The following DMBT1 variants were observed in gnomAD, a reference collection of about 807,000 sequenced individuals.
DMBT1 encodes scavenger receptor cysteine-rich domain-containing protein DMBT1.
In DMBT1, 198 loss-of-function variants were observed where a neutral mutation model predicts 252.9. The observed-to-expected ratio is 0.78, with a 90% CI of 0.70 to 0.88. DMBT1 has a LOEUF of 0.88. DMBT1 is among the 40% of genes least tolerant of loss of function. The pLI is 0.00. For synonymous variants in DMBT1, 990 were observed against 942.7 expected (o/e 1.05, Z -0.92); for missense variants, 2,432 against 2,404.7 (o/e 1.01, Z -0.24).
intron 45 of DMBT1, 21 bp from the exon 46 acceptor site, chr10:122,625,912 C>T (rs765792782): frequency 6.2e-7 from 1 of 1,604,142 alleles, no homozygotes; most frequent in South Asian, 1.1e-5. Flanking sequence ...AAATCCTAAA[C>T]AGCTTCATTT....
Position 122,618,623 on chromosome 10 carries a change from C to T in DMBT1, c.5215+283C>T, listed in dbSNP as rs180901717. Among the ~76,000 whole-genome samples the T allele has an allele frequency of 7.0e-3, 1,064 of 152,322 alleles. 13 individuals carry two copies. The highest frequency in any genetic ancestry group is 0.024 in the African/African-American group (1,018 of 41,564). On this transcript the variant is annotated intron_variant, in intron 41 of 55. Transcript: ENST00000338354. ...AGAAGAGAAAAGTGCTGGCTCCCCA[C>T]GGCTCCATTTCTTCCCTGCTGAGTA...
intron 2 of DMBT1, among the ~76,000 whole-genome samples, 177 bp downstream of exon 2, chr10:122,566,173 T>C (rs896906084): frequency 4.6e-5 from 7 of 152,192 alleles, no homozygotes; most frequent in South Asian, 2.1e-4. Context: ...ATGTCTCAAG[T>C]GCACACTCGG....
chr10:122,640,488 T>C, intron 55 of DMBT1, 39 bp downstream of exon 55: 1 of 1,562,888 alleles, frequency 6.4e-7, no homozygotes, highest in Middle Eastern at 1.7e-4. Flanking sequence ...AAACCTTTAC[T>C]TGATAACTCA....
chr10:122,620,948 A>T lies in DMBT1; in HGVS notation c.5285-109A>T, dbSNP rs2098061133. Reference sequence around the variant, plus strand: ...TCTGTATTCATATTCAAAGGTGATTACCTGCACACGTGACTTTGGCCATTA... The same window carrying T: ...TCTGTATTCATATTCAAAGGTGATTTCCTGCACACGTGACTTTGGCCATTA... On this transcript the variant is annotated intron_variant, in intron 43 of 55. Transcript: ENST00000338354. 6 of 1,552,580 alleles carry T rather than the reference A, an allele frequency of 3.9e-6. No homozygotes were observed. The African/African-American group carries it at 4.1e-5, about 11-fold the overall frequency.
rs199607430 is a variant in DMBT1, at chr10:122,576,387, G to A, written c.284-12G>A. 2.5e-4 allele frequency: 410 copies of A among 1,612,654 alleles called. 2 individuals are homozygous for A. In the African/African-American group the frequency reaches 4.7e-3, roughly 19 times the overall value. ...TAGGAATGTGCAAGAGAAATTCTGT[G>A]CCTTCCTCTAGGATCTGATTCTGGT... On this transcript the variant is annotated splice_polypyrimidine_tract_variant and intron_variant, in intron 6 of 55. Transcript: ENST00000338354.
Position 122,572,339 on chromosome 10 carries a change from C to G in DMBT1, c.213C>G (p.Thr71=). 4.3e-6 allele frequency: 7 copies of G among 1,613,118 alleles called. No individual in the cohort carries two copies. Among genetic ancestry groups the G allele is most frequent in the Non-Finnish European group, 5.9e-6 (7 of 1,179,264 alleles). The change falls in exon 5 of 56, where the codon ACC becomes ACG. Residue 71 remains threonine, a synonymous_variant. Coordinates refer to ENST00000338354, the MANE Select transcript of DMBT1 (RefSeq NM_001377530.1). The stretch of plus-strand genomic sequence containing the variant: ...GTTCTCCGATTTCCTTGGAGTCAAC[C>G]CTGGAGTCAACCGTAGCAGAAGGTA... ...AEGSPISLES[T]LESTVAEGSL...
chr10:122,620,595 C>T (rs1037309149), intron 43 of DMBT1, among the ~76,000 whole-genome samples: 3 of 152,226 alleles, frequency 2.0e-5, no homozygotes, highest in Non-Finnish European at 4.4e-5. Flanking sequence ...GGCCCTCAGG[C>T]CACAGGCTGC....
rs2098065360 is a variant in DMBT1 at position 122,621,263 on chromosome 10, A to G, written c.5491A>G (p.Ile1831Val). The G allele has an allele frequency of 6.2e-7, 1 of 1,613,796 alleles. No homozygotes were observed. Among genetic ancestry groups the G allele is most frequent in the Non-Finnish European group, 8.5e-7 (1 of 1,179,752 alleles). The part of the protein sequence containing the change: ...NARFGQGSGP[I>V]VLDDVRCSGN... ...CCGGTTTGGCCAGGGCTCAGGACCC[A>G]TTGTCCTGGATGATGTGCGCTGCTC... The change falls in exon 44 of 56, where the codon ATT (isoleucine) becomes GTT (valine). Residue 1831 changes from isoleucine (I) to valine (V), a missense_variant. Ile to Val is a conservative substitution (Grantham distance 29). This residue lies in a region of DMBT1 where 1,162 missense variants were observed against 1,169.0 expected (regional missense o/e 0.99). Coordinates refer to ENST00000338354, the MANE Select transcript of DMBT1 (RefSeq NM_001377530.1).
At position 122,585,310 on chromosome 10, in the gene DMBT1, G is replaced by A. The variant is rs1181294037; in HGVS notation, c.1459+1G>A. ...ATCACCTTACCTGCATCGACAGTAG[G>A]TAAATAATCCTCTCGCCCCTCCCTA... On this transcript the variant is annotated splice_donor_variant, in intron 15 of 55. Coordinates refer to ENST00000338354, the MANE Select transcript of DMBT1 (RefSeq NM_001377530.1). LOFTEE classifies it high-confidence loss of function. 6.3e-7 allele frequency: 1 copy of A among 1,586,218 alleles called. No individual in the cohort carries two copies. Among genetic ancestry groups the A allele is most frequent in the South Asian group, 1.2e-5 (1 of 86,828 alleles).
chr10:122,560,802 G>T lies in DMBT1; in HGVS notation c.32G>T (p.Cys11Phe). 2 of 1,574,060 alleles carry T rather than the reference G, an allele frequency of 1.3e-6. No individual in the cohort carries two copies. The highest frequency in any genetic ancestry group is 1.7e-4 in the Middle Eastern group (1 of 6,014). The change falls in exon 1 of 56, where the codon TGT becomes TTT. Residue 11 changes from cysteine to phenylalanine, a missense_variant. Cys to Phe is a radical substitution (Grantham distance 205, BLOSUM62 -2). Coordinates refer to ENST00000338354, the MANE Select transcript of DMBT1 (RefSeq NM_001377530.1). ...ATCTCCACAGTCATCCTTGAAATGTGTCTTTTATGGGGACAAGTTCTATCT... is the reference window on the plus strand; with the variant it reads ...ATCTCCACAGTCATCCTTGAAATGTTTCTTTTATGGGGACAAGTTCTATCT... MGISTVILEM[C>F]LLWGQVLSTG...
intron 8 of DMBT1, 114 bp from the exon 9 acceptor site, chr10:122,578,604 A>C: frequency 1.1e-6 from 1 of 916,392 alleles, no homozygotes; most frequent in Non-Finnish European, 1.7e-6. Context: ...GCAAGTGGCC[A>C]GACCTTCGAG....
intron 46 of DMBT1, among the ~76,000 whole-genome samples, chr10:122,629,177 C>G (rs1476175044): frequency 6.6e-6 from 1 of 152,154 alleles, no homozygotes; most frequent in Admixed American, 6.5e-5. Flanking sequence ...AGAAACCTAT[C>G]TTATGTTTAT....
chr10:122,585,537 GA>G (rs2097782304), intron 15 of DMBT1, among the ~76,000 whole-genome samples: 1 of 148,072 alleles, frequency 6.8e-6, no homozygotes, highest in African/African-American at 2.4e-5. Context: ...AAGTGGTCAG[GA>G]AACATCCTCA....
At chr10:122,631,918 T>A in intron 50 of DMBT1, 43 bp downstream of exon 50, 1 of 1,603,890 alleles carries the variant, frequency 6.2e-7, no homozygotes, top group Non-Finnish European at 8.5e-7. Context: ...GGTCTCCAGG[T>A]CTCTCCATTA....
intron 43 of DMBT1, among the ~76,000 whole-genome samples, chr10:122,620,493 G>A (rs556942997): frequency 6.6e-6 from 1 of 152,268 alleles, no homozygotes; most frequent in South Asian, 2.1e-4. Context: ...GTCTCCCCTG[G>A]GATTCTGTTT....
intron 16 of DMBT1, among the ~76,000 whole-genome samples, chr10:122,588,188 A>AG (rs1452385286): frequency 6.7e-6 from 1 of 148,408 alleles, no homozygotes; most frequent in African/African-American, 2.4e-5. Flanking sequence ...CACCCCCACT[A>AG]GGGCTCACTC....
Position 122,578,722 on chromosome 10 carries a change from T to C in DMBT1, c.642T>C (p.Ser214=), listed in dbSNP as rs1397713275. ...TCTCTTTGTTGCTGTTTACAGAAAGTTGGCCTGTCAGGATATCACCACCTG... is the reference window on the plus strand; with the variant it reads ...TCTCTTTGTTGCTGTTTACAGAAAGCTGGCCTGTCAGGATATCACCACCTG... ...AQPQSTLRPE[S]WPVRISPPVP... is the part of the protein sequence containing the mutation. Residue 214 remains serine, a synonymous_variant, in exon 9 of 56, where the codon AGT becomes AGC. Coordinates refer to ENST00000338354, the MANE Select transcript of DMBT1 (RefSeq NM_001377530.1). The C allele has an allele frequency of 1.2e-6, 2 of 1,608,862 alleles. No homozygotes were observed. The highest frequency in any genetic ancestry group is 1.7e-6 in the Non-Finnish European group (2 of 1,177,330).
At chr10:122,572,425 T>G in intron 5 of DMBT1, 64 bp downstream of exon 5, 1 of 1,594,744 alleles carries the variant, frequency 6.3e-7, no homozygotes, top group Non-Finnish European at 8.6e-7. Context: ...GATTCATCTC[T>G]GACCCAGATG....
intron 44 of DMBT1, among the ~76,000 whole-genome samples, chr10:122,623,869 TA>T (rs1369338246): frequency 6.6e-6 from 1 of 152,238 alleles, no homozygotes; most frequent in Non-Finnish European, 1.5e-5. Context: ...CATGGAGGCC[TA>T]ACTCTGCCAT....
Sources: gnomAD v4.1 joint callset for allele counts (sites outside exome capture counted in the v4.1 genomes callset) on GRCh38, gnomAD v4.1.1 for gene constraint, gnomAD v4.1.1 regional missense constraint, MANE v1.5 for transcripts, NCBI Gene and HGNC (gene_info 2026-07-23, HGNC 2026-07-21) for gene names.